ACOT1: variants seen among roughly 807,000 people sequenced by gnomAD.
ACOT1 encodes acyl-CoA thioesterase 1.
A neutral mutation model predicts 15.7 loss-of-function variants in ACOT1; 8 were observed. The observed-to-expected ratio is 0.51, with a 90% CI of 0.30 to 0.92. The LOEUF is 0.92. Ranked by LOEUF, ACOT1 falls within the 40% of genes least tolerant of loss-of-function variation. The pLI is 0.06. For missense variants in ACOT1, 151 were observed against 539.4 expected, an observed-to-expected ratio of 0.28 and a Z score of 7.13; for synonymous variants, 67 against 241.2, an observed-to-expected ratio of 0.28 and a Z score of 6.69.
At chr14:73,517,858 G>A in the ACOT1 span, among the ~76,000 whole-genome samples, 21,317 of 151,956 alleles carry the variant, frequency 0.14, 1,813 homozygotes, top group East Asian at 0.4. Flanking sequence ...GGAGGCCGAG[G>A]TGGACAGATC....
the ACOT1 span, among the ~76,000 whole-genome samples, chr14:73,494,992 C>G: frequency 6.6e-6 from 1 of 151,716 alleles, no homozygotes; most frequent in Middle Eastern, 3.4e-3. Flanking sequence ...ACTTTTAAGT[C>G]AGTTCAAATA....
the ACOT1 span, among the ~76,000 whole-genome samples, chr14:73,501,776 C>T: frequency 3.3e-4 from 50 of 150,534 alleles, no homozygotes; most frequent in African/African-American, 8.3e-4. Context: ...ATTTTTGAGA[C>T]GGAGTCTCAC....
chr14:73,501,521 G>C, the ACOT1 span, among the ~76,000 whole-genome samples: 1 of 150,950 alleles, frequency 6.6e-6, no homozygotes, highest in Non-Finnish European at 1.5e-5. Flanking sequence ...TGAGTAGCTG[G>C]GATTATAGGC....
At chr14:73,498,339 C>T in the ACOT1 span, 2 of 1,596,822 alleles carry the variant, frequency 1.3e-6, no homozygotes, top group Middle Eastern at 1.7e-4. Flanking sequence ...CCAATCTGTC[C>T]CAAAGCTGCA....
the ACOT1 span, chr14:73,514,166 G>A: frequency 6.2e-7 from 1 of 1,614,204 alleles, no homozygotes; most frequent in Non-Finnish European, 8.5e-7. Flanking sequence ...TCACCCACCT[G>A]CAGCAGCATA....
At chr14:73,510,555 C>G in the ACOT1 span, among the ~76,000 whole-genome samples, 1 of 152,120 alleles carries the variant, frequency 6.6e-6, no homozygotes, top group Non-Finnish European at 1.5e-5. Context: ...TCTGCCTCAG[C>G]CTTCCGAGTA....
the ACOT1 span, chr14:73,521,109 C>T: frequency 5.5e-5 from 74 of 1,343,074 alleles, no homozygotes; most frequent in Admixed American, 2.0e-4. Flanking sequence ...CCATTAAATC[C>T]ACAGCTCGTT....
the ACOT1 span, chr14:73,522,681 G>A: frequency 9.6e-4 from 1,555 of 1,614,224 alleles, 12 homozygotes; most frequent in South Asian, 6.3e-3. Context: ...GGTGCTTCCC[G>A]GACGGTGCTG....
the ACOT1 span, among the ~76,000 whole-genome samples, chr14:73,518,094 A>G: frequency 6.9e-6 from 1 of 144,400 alleles, no homozygotes; most frequent in South Asian, 2.2e-4. Context: ...TCAAAAACAA[A>G]GCCAGGTTGT....
rs1350248154 is a variant in ACOT1 at position 73,542,641 on chromosome 14, A to G, written c.661-409A>G. On this transcript the variant is annotated intron_variant, in intron 2 of 2. Transcript: ENST00000311148. ...GGCTGGTCTCGAACTCCTGACCTCA[A>G]ATGATCCACCCGCCTCAGCCTCCCA... Among the ~76,000 whole-genome samples the G allele has an allele frequency of 9.1e-5, 10 of 109,928 alleles. 3 individuals carry two copies. The highest frequency in any genetic ancestry group is 7.2e-4 in the East Asian group (1 of 1,392). The allele number at this position is 109,928 out of a possible 152,430, so 72.1% of individuals were successfully genotyped here. A position where few individuals can be genotyped will look rare whatever the true frequency, so the allele number is the denominator to read the frequency against.
chr14:73,512,247 A>T, the ACOT1 span: 5 of 1,353,034 alleles, frequency 3.7e-6, no homozygotes, highest in Non-Finnish European at 5.1e-6. Context: ...CACCCAGAAT[A>T]ATTCAAGCAA....
chr14:73,531,978 G>A, the ACOT1 span, among the ~76,000 whole-genome samples: 3 of 115,078 alleles, frequency 2.6e-5, 1 homozygote, highest in Non-Finnish European at 5.7e-5. Flanking sequence ...GTTGCAGTGA[G>A]CCAAGATCAG....
the ACOT1 span, chr14:73,503,041 C>T: frequency 3.7e-3 from 5,544 of 1,497,976 alleles, 20 homozygotes; most frequent in Non-Finnish European, 4.4e-3. Context: ...CATTAGGTAT[C>T]ATCACTTAAT....
In ACOT1 at chr14:73,538,591, A is replaced by G. The variant is rs1489468620; in HGVS notation, c.457+713A>G. On this transcript the variant is annotated intron_variant, in intron 1 of 2. Transcript: ENST00000311148. ...TCGTGCCACGCACTCCAGCCTGGGCAATAGAGTGAGACTCCGTCTCAAAAA... is the reference window on the plus strand; with the variant it reads ...TCGTGCCACGCACTCCAGCCTGGGCGATAGAGTGAGACTCCGTCTCAAAAA... 4.3e-4 allele frequency among the ~76,000 whole-genome samples: 40 copies of G among 93,882 alleles called. 4 individuals are homozygous for G. The highest frequency in any genetic ancestry group is 1.4e-3 in the African/African-American group (39 of 28,234). 61.6% of individuals were successfully genotyped at this position (93,882 alleles called of 152,430 possible).
At chr14:73,539,874 C>G (rs1395052614) in intron 1 of ACOT1, 19 of 110,674 alleles carry the variant, frequency 1.7e-4, no homozygotes, top group East Asian at 7.4e-4. Context: ...ACTTTTCTTT[C>G]AATTCACACA....
the ACOT1 span, chr14:73,491,380 C>T: frequency 9.6e-6 from 13 of 1,356,114 alleles, no homozygotes; most frequent in South Asian, 2.5e-4. Flanking sequence ...CGTCGGCGCG[C>T]CTGGTGCCCG....
At chr14:73,528,004 C>A in the ACOT1 span, among the ~76,000 whole-genome samples, 2 of 151,176 alleles carry the variant, frequency 1.3e-5, no homozygotes, top group African/African-American at 4.9e-5. Flanking sequence ...TTAGGATGTC[C>A]CCAGATAAAT....
At position 73,542,913 on chromosome 14, in the gene ACOT1, C is replaced by A; in HGVS notation, c.661-137C>A. ...GAAGAGATAGAGGGGAGGTAAATTC[C>A]CAAAGCTGCAAATCTGGGTAAATGG... On this transcript the variant is annotated intron_variant, in intron 2 of 2. Transcript: ENST00000311148. The A allele has an allele frequency of 6.4e-6, 6 of 939,578 alleles. 1 individual carries two copies. Among genetic ancestry groups the A allele is most frequent in the Non-Finnish European group, 8.7e-6 (6 of 689,730 alleles). 58.2% of individuals were successfully genotyped at this position (939,578 alleles called of 1,614,324 possible).
the ACOT1 span, among the ~76,000 whole-genome samples, chr14:73,494,057 G>T: frequency 2.0e-5 from 3 of 152,178 alleles, no homozygotes. Context: ...ACCTAGTTGT[G>T]CCTTCATAGA....
Sources: gnomAD v4.1 joint callset for allele counts (sites outside exome capture counted in the v4.1 genomes callset) on GRCh38, gnomAD v4.1.1 for gene constraint, MANE v1.5 for transcripts, NCBI Gene and HGNC (gene_info 2026-07-23, HGNC 2026-07-21) for gene names.